LCORL: variants seen among roughly 807,000 people sequenced by gnomAD.
LCORL encodes ligand-dependent nuclear receptor corepressor-like protein.
LCORL carries 41 observed loss-of-function variants against 141.8 expected under a neutral mutation model. The observed-to-expected ratio is 0.29, with a 90% CI of 0.23 to 0.38. The LOEUF is 0.38. Ranked by LOEUF, LCORL falls within the 10% of genes least tolerant of loss-of-function variation. LCORL has a pLI of 1.00. For synonymous variants in LCORL, 618 were observed against 694.1 expected (o/e 0.89, Z 1.72); for missense variants, 1,759 against 2,035.0 (o/e 0.86, Z 2.61).
rs187876898 is a variant in LCORL at position 18,020,894 on chromosome 4, G to A, written c.154+704C>T. Among the ~76,000 whole-genome samples the A allele has an allele frequency of 2.8e-3, 430 of 152,318 alleles. 3 individuals carry two copies. Among genetic ancestry groups the A allele is most frequent in the African/African-American group, 9.9e-3 (411 of 41,588 alleles). The stretch of plus-strand genomic sequence containing the variant: ...CCCATCCGTCCAGACTTCCAAAGAG[G>A]GAGGAAGAACTTCAAATCCCAACCG... On this transcript the variant is annotated intron_variant, in intron 1 of 7. Coordinates refer to ENST00000635767, the Ensembl canonical transcript of LCORL.
chr4:17,842,829 T>A (rs1560237055), exon 8 of LCORL: 1 of 165,812 alleles, frequency 6.0e-6, no homozygotes, highest in Non-Finnish European at 1.3e-5. Flanking sequence ...TGTATTCATT[T>A]GCAAAATTGT....
chr4:17,980,244 G>C (rs1463319070), intron 1 of LCORL, among the ~76,000 whole-genome samples: 2 of 152,066 alleles, frequency 1.3e-5, no homozygotes, highest in African/African-American at 2.4e-5. Context: ...ATTGACTCAG[G>C]GTACAGATCT....
intron 4 of LCORL, among the ~76,000 whole-genome samples, chr4:17,921,606 T>C (rs981877577): frequency 1.8e-4 from 27 of 152,192 alleles, no homozygotes; most frequent in Non-Finnish European, 2.6e-4. Context: ...AGCTATAATA[T>C]TTTGAAAGGA....
rs1398811017 is a variant in LCORL, at chr4:18,021,088, C to A, written c.154+510G>T. ...TGCGAGTGCCCGTGGGTCTCCAGGT[C>A]CAGGTCCCCGGGAACTGGCCGCGTC... is the stretch of plus-strand genomic sequence containing the variant. On this transcript the variant is annotated intron_variant, in intron 1 of 7. Transcript: ENST00000635767. The surrounding 1 kb of genome is among the most constrained non-coding windows in gnomAD (Gnocchi z 5.5). Among the ~76,000 whole-genome samples the A allele has an allele frequency of 2.6e-5, 4 of 152,036 alleles. No homozygotes were observed. The East Asian group carries it at 5.8e-4, about 22-fold the overall frequency.
intron 2 of LCORL, among the ~76,000 whole-genome samples, chr4:17,970,629 T>C (rs931877218): frequency 1.1e-4 from 17 of 152,178 alleles, no homozygotes; most frequent in African/African-American, 4.1e-4. Context: ...AAGGCACTTT[T>C]GAGCACTGAC....
rs143582251 is a variant in LCORL, at chr4:17,972,432, T to C, written c.220+388A>G. Among the ~76,000 whole-genome samples, 671 of 151,902 alleles carry C rather than the reference T, an allele frequency of 4.4e-3. 4 individuals are homozygous for C. Among genetic ancestry groups the C allele is most frequent in the African/African-American group, 0.015 (635 of 41,564 alleles). Reference sequence around the variant, plus strand: ...AGCTTTTTAGAAGGCAATTATTCAATTGAACATTTAAATTGAATCAATTAA... The same window carrying C: ...AGCTTTTTAGAAGGCAATTATTCAACTGAACATTTAAATTGAATCAATTAA... On this transcript the variant is annotated intron_variant, in intron 2 of 7. Transcript: ENST00000635767.
At chr4:17,906,844 G>A (rs61111267) in intron 5 of LCORL, among the ~76,000 whole-genome samples, 11,874 of 151,922 alleles carry the variant, frequency 0.078, 941 homozygotes, top group African/African-American at 0.21. Context: ...GTGCCACCAC[G>A]CCCAGCTAAT....
rs1014212414 is a variant in LCORL, at chr4:18,021,337, G to C, written c.154+261C>G. 5.9e-5 allele frequency among the ~76,000 whole-genome samples: 9 copies of C among 152,144 alleles called. No individual in the cohort carries two copies. The highest frequency in any genetic ancestry group is 1.0e-4 in the Non-Finnish European group (7 of 68,010). ...GAGAGCGAGCGGGCGGCTTCCGCGG[G>C]GGCTCAGCAAGCGGGTCCAAACTAA... On this transcript the variant is annotated intron_variant, in intron 1 of 7. Transcript: ENST00000635767. The surrounding 1 kb of genome is among the most constrained non-coding windows in gnomAD (Gnocchi z 5.5).
At chr4:17,882,473 G>A in intron 6 of LCORL, 1 of 984,588 alleles carries the variant, frequency 1.0e-6, no homozygotes. Flanking sequence ...AAAATGACCA[G>A]TCTCTCTTAT....
At chr4:17,937,845 T>G (rs1300935337) in intron 4 of LCORL, among the ~76,000 whole-genome samples, 1 of 152,178 alleles carries the variant, frequency 6.6e-6, no homozygotes, top group Non-Finnish European at 1.5e-5. Context: ...TCTACTTTCA[T>G]ATCTAGCATG....
At chr4:17,918,912 A>T (rs933229915) in intron 4 of LCORL, among the ~76,000 whole-genome samples, 6 of 152,192 alleles carry the variant, frequency 3.9e-5, no homozygotes, top group Non-Finnish European at 5.9e-5. Flanking sequence ...TCCTAATCAA[A>T]CCAAAGACAA....
chr4:17,876,847 T>G, exon 7 of LCORL: 1 of 1,230,838 alleles, frequency 8.1e-7, no homozygotes, highest in Non-Finnish European at 1.0e-6. Flanking sequence ...GAAAATTCAT[T>G]AAAAGACAAG....
At chr4:18,013,723 G>T (rs1470394304) in intron 1 of LCORL, among the ~76,000 whole-genome samples, 2 of 152,202 alleles carry the variant, frequency 1.3e-5, no homozygotes, top group Middle Eastern at 3.4e-3. Context: ...GCACATACTA[G>T]TCAGAAAAGA....
chr4:17,876,306 G>A (rs949530448), exon 7 of LCORL: 2 of 1,230,782 alleles, frequency 1.6e-6, no homozygotes, highest in African/African-American at 3.1e-5. Flanking sequence ...CACAGATTTT[G>A]ATAAGCTCTG....
intron 4 of LCORL, among the ~76,000 whole-genome samples, chr4:17,959,828 TAA>T (rs1269082761): frequency 3.9e-5 from 6 of 152,182 alleles, no homozygotes; most frequent in African/African-American, 1.4e-4. Flanking sequence ...AAATCTGCAC[TAA>T]AAAGATGTTT....
chr4:18,017,335 T>C (rs550626683), intron 1 of LCORL, among the ~76,000 whole-genome samples: 1 of 152,260 alleles, frequency 6.6e-6, no homozygotes, highest in East Asian at 1.9e-4. Context: ...GATTATACTA[T>C]GTAAATATAC....
chr4:17,920,631 T>C (rs1734137581), intron 4 of LCORL, among the ~76,000 whole-genome samples: 1 of 152,250 alleles, frequency 6.6e-6, no homozygotes, highest in Admixed American at 6.5e-5. Context: ...GTAGAACTTC[T>C]TTCAAAATTG....
chr4:17,875,328 T>C (rs916556078), exon 7 of LCORL: 13 of 1,231,362 alleles, frequency 1.1e-5, no homozygotes, highest in South Asian at 8.2e-5. Context: ...AGATTTGTTC[T>C]TGATGGGTCT....
At chr4:17,977,640 T>C (rs1275657305) in intron 1 of LCORL, among the ~76,000 whole-genome samples, 1 of 152,202 alleles carries the variant, frequency 6.6e-6, no homozygotes, top group Non-Finnish European at 1.5e-5. Flanking sequence ...CTTTCCTATT[T>C]TGTTTTAAAA....
Sources: allele counts gnomAD v4.1 joint callset (sites outside exome capture counted in the v4.1 genomes callset), GRCh38; gene constraint gnomAD v4.1.1; non-coding constraint Gnocchi (gnomAD v3.1); transcripts MANE v1.5; gene names NCBI Gene and HGNC (gene_info 2026-07-23, HGNC 2026-07-21).